Variants in TMEM245 observed in about 807,000 individuals in gnomAD.
TMEM245 encodes the protein protein CG-2.
TMEM245 carries 69 observed loss-of-function variants against 101.2 expected under a neutral mutation model. That is an observed-to-expected ratio of 0.68 (90% CI 0.56 to 0.83). The LOEUF (loss-of-function observed/expected upper bound fraction) is 0.83, where lower values mean the gene tolerates loss of function less well. Among genes scored for constraint, TMEM245 ranks in the 40% least tolerant of loss-of-function variants. TMEM245 has a pLI of 0.00. For missense variants in TMEM245, 1,075 were observed against 1,092.8 expected, an observed-to-expected ratio of 0.98 and a Z score of 0.23; for synonymous variants, 537 against 449.8, an observed-to-expected ratio of 1.19 and a Z score of -2.45.
At chr9:109,068,389 C>T (rs1030466298) in intron 9 of TMEM245, among the ~76,000 whole-genome samples, 1 of 146,586 alleles carries the variant, frequency 6.8e-6, no homozygotes, top group East Asian at 2.0e-4. Context: ...AAAAAAAAGG[C>T]CTTCCTTTTG....
At chr9:109,036,110 T>G in intron 16 of TMEM245, 96 bp downstream of exon 16, 1 of 1,048,338 alleles carries the variant, frequency 9.5e-7, no homozygotes, top group Non-Finnish European at 1.3e-6. Flanking sequence ...TACCAGTTCT[T>G]TTGTATACCC....
At position 109,018,872 on chromosome 9, in the gene TMEM245, A is replaced by ATAG. The variant is rs1564162841; in HGVS notation, c.*1587_*1588insCTA. 1 of 149,492 alleles carries ATAG rather than the reference A, an allele frequency of 6.7e-6. No individual in the cohort carries two copies. The highest frequency in any genetic ancestry group is 1.5e-5 in the Non-Finnish European group (1 of 68,746). The allele number at this position is 149,492 out of a possible 1,614,324, so 9.3% of individuals were successfully genotyped here. A position where few individuals can be genotyped will look rare whatever the true frequency, so the allele number is the denominator to read the frequency against. On this transcript the variant is annotated 3_prime_UTR_variant, in exon 18 of 18. Coordinates refer to ENST00000374586, the MANE Select transcript of TMEM245 (RefSeq NM_032012.4). ...TACATCAGCCTCCTGAGTAGCTCAG[A>ATAG]CTATAGCCACACCACCGTGCCCAGC...
At chr9:109,035,793 G>A (rs1487698119) in intron 16 of TMEM245, among the ~76,000 whole-genome samples, 2 of 151,610 alleles carry the variant, frequency 1.3e-5, no homozygotes, top group African/African-American at 2.4e-5. Flanking sequence ...ATATTGGCTG[G>A]GCATGGTGGT....
chr9:109,117,365 G>A (rs972074558), intron 1 of TMEM245, among the ~76,000 whole-genome samples: 7 of 151,630 alleles, frequency 4.6e-5, no homozygotes, highest in East Asian at 1.9e-4. Context: ...TGATCCACCC[G>A]CCTCGACCTC....
intron 17 of TMEM245, among the ~76,000 whole-genome samples, chr9:109,024,721 CT>C (rs1365076088): frequency 6.6e-6 from 1 of 152,204 alleles, no homozygotes; most frequent in Non-Finnish European, 1.5e-5. Flanking sequence ...AAAGATGACA[CT>C]GCCTTCTGGT....
Position 109,050,574 on chromosome 9 carries a change from G to T in TMEM245, c.1973C>A (p.Ser658Tyr). ...SGTALLNFVL[S>Y]LIIFLTTLFY... is the part of the protein sequence containing the mutation. The stretch of plus-strand genomic sequence containing the variant: ...TACTTATCTATGTGGACGTACCAGA[G>T]AGAGTACAAAATTGAGAAGGGCTGT... The change falls in exon 13 of 18, where the codon TCT becomes TAT. Residue 658 changes from serine (S) to tyrosine (Y), a missense_variant. Physicochemically the swap from Ser to Tyr is moderately radical, Grantham distance 144. Transcript: ENST00000374586. The T allele has an allele frequency of 6.2e-7, 1 of 1,613,922 alleles. No homozygotes were observed. The highest frequency in any genetic ancestry group is 1.1e-5 in the South Asian group (1 of 91,052).
chr9:109,096,513 C>T (rs1434425037), intron 3 of TMEM245, among the ~76,000 whole-genome samples: 1 of 151,988 alleles, frequency 6.6e-6, no homozygotes, highest in Non-Finnish European at 1.5e-5. Flanking sequence ...GACTTTGTCT[C>T]AAAAATAAAA....
chr9:109,114,768 C>A (rs1400557441), intron 1 of TMEM245, among the ~76,000 whole-genome samples: 1 of 152,226 alleles, frequency 6.6e-6, no homozygotes, highest in Admixed American at 6.5e-5. Context: ...GGCACGCCAT[C>A]AGCTTTTTCA....
intron 17 of TMEM245, among the ~76,000 whole-genome samples, chr9:109,026,440 G>A (rs973018960): frequency 3.3e-5 from 5 of 152,008 alleles, no homozygotes; most frequent in Non-Finnish European, 2.9e-5. Context: ...AAGGAAAAAT[G>A]GGGGATTATC....
chr9:109,065,315 GC>G (rs1327209261), intron 9 of TMEM245, among the ~76,000 whole-genome samples: 1 of 152,116 alleles, frequency 6.6e-6, no homozygotes, highest in African/African-American at 2.4e-5. Context: ...AAAATTGGGG[GC>G]CCAAACCTAG....
intron 17 of TMEM245, among the ~76,000 whole-genome samples, chr9:109,030,232 G>C (rs1231802816): frequency 1.3e-5 from 2 of 149,466 alleles, no homozygotes; most frequent in Non-Finnish European, 3.0e-5. Flanking sequence ...AGGAAGAAGA[G>C]GGAGAAGGCA....
At chr9:109,111,356 A>T (rs2132659700) in intron 1 of TMEM245, among the ~76,000 whole-genome samples, 1 of 152,310 alleles carries the variant, frequency 6.6e-6, no homozygotes, top group East Asian at 1.9e-4. Flanking sequence ...AAGAAGCTGA[A>T]CTGGAGGTCA....
At chr9:109,041,453 A>ATTTTTTTTTT (rs1193341550) in intron 14 of TMEM245, among the ~76,000 whole-genome samples, 1 of 83,208 alleles carries the variant, frequency 1.2e-5, no homozygotes, top group African/African-American at 5.0e-5. Context: ...CATCCTACAA[A>ATTTTTTTTTT]TTTTTTTTTT....
intron 8 of TMEM245, among the ~76,000 whole-genome samples, chr9:109,074,780 TA>T (rs1196484963): frequency 2.0e-5 from 3 of 152,142 alleles, no homozygotes; most frequent in Non-Finnish European, 4.4e-5. Flanking sequence ...CATAGCCACC[TA>T]AGCCATCAAG....
In TMEM245 at chr9:109,119,666, G is replaced by A; in HGVS notation, c.248C>T (p.Pro83Leu). The change falls in exon 1 of 18, where the codon CCG (proline) becomes CTG (leucine). Residue 83 changes from proline (P) to leucine (L), a missense_variant. By Grantham distance (98) the Pro-to-Leu change is moderately conservative (BLOSUM62 -3). This residue lies in a region of TMEM245 where 808 missense variants were observed against 741.5 expected (regional missense o/e 1.09). Transcript: ENST00000374586. ...GCCGCATAGCACGGCCCAGAGCAGC[G>A]GCCGCAGGAAGGCCTCCAGGATGAA... Reference protein sequence around the residue: ...VYFILEAFLRPLLWAVLCGTF... With the variant: ...VYFILEAFLRLLLWAVLCGTF... 6.4e-7 allele frequency: 1 copy of A among 1,556,082 alleles called. No homozygotes were observed. Among genetic ancestry groups the A allele is most frequent in the South Asian group, 1.2e-5 (1 of 84,476 alleles).
At chr9:109,038,286 A>C (rs949651664) in intron 14 of TMEM245, 169 bp from the exon 15 acceptor site, 4 of 462,036 alleles carry the variant, frequency 8.7e-6, no homozygotes, top group Non-Finnish European at 1.1e-5. Context: ...CCTTACTTTA[A>C]ATACATTTAC....
chr9:109,086,817 A>G lies in TMEM245; in HGVS notation c.1320+356T>C, dbSNP rs142990660. ...CGTAGGACTTAATACAGTATCTGAC[A>G]TATGGTAATTACTCCAAAAATATTC... On this transcript the variant is annotated intron_variant, in intron 6 of 17. Coordinates refer to ENST00000374586, the MANE Select transcript of TMEM245 (RefSeq NM_032012.4). Among the ~76,000 whole-genome samples the G allele has an allele frequency of 4.9e-3, 744 of 152,322 alleles. 8 individuals carry two copies. The highest frequency in any genetic ancestry group is 0.017 in the African/African-American group (706 of 41,564).
intron 11 of TMEM245, among the ~76,000 whole-genome samples, chr9:109,058,966 G>A (rs930984420): frequency 6.6e-6 from 1 of 152,116 alleles, no homozygotes; most frequent in South Asian, 2.1e-4. Context: ...TACCAGAGGG[G>A]TGTCTTAGGA....
intron 1 of TMEM245, among the ~76,000 whole-genome samples, chr9:109,117,995 T>G (rs772907957): frequency 2.0e-5 from 3 of 152,270 alleles, no homozygotes; most frequent in Non-Finnish European, 4.4e-5. Context: ...GATTTGCTCA[T>G]GAGCTGTGTG....
Sources: gnomAD v4.1 joint callset for allele counts (sites outside exome capture counted in the v4.1 genomes callset) on GRCh38, gnomAD v4.1.1 for gene constraint, gnomAD v4.1.1 regional missense constraint, MANE v1.5 for transcripts, NCBI Gene and HGNC (gene_info 2026-07-23, HGNC 2026-07-21) for gene names.